Variants in PDE4B observed in about 807,000 individuals in gnomAD.
PDE4B encodes the protein 3',5'-cyclic-AMP phosphodiesterase 4B.
Under a neutral mutation model 82.2 loss-of-function variants are expected in PDE4B, and 20 were observed. That is an observed-to-expected ratio of 0.24 (90% CI 0.17 to 0.35). PDE4B has a LOEUF of 0.35. Ranked by LOEUF, PDE4B falls within the 10% of genes least tolerant of loss-of-function variation. The pLI is 1.00. For synonymous variants in PDE4B, 320 were observed against 318.9 expected (o/e 1.00, Z -0.04); for missense variants, 655 against 907.2 (o/e 0.72, Z 3.57).
At chr1:65,875,386 A>G (rs1646627386) in intron 1 of PDE4B, among the ~76,000 whole-genome samples, 2 of 146,844 alleles carry the variant, frequency 1.4e-5, no homozygotes, top group Non-Finnish European at 3.0e-5. Context: ...TGTGGAAGTC[A>G]GTGTGGCGAT....
At chr1:66,083,936 C>A (rs1029210238) in intron 3 of PDE4B, among the ~76,000 whole-genome samples, 2 of 152,116 alleles carry the variant, frequency 1.3e-5, no homozygotes, top group Non-Finnish European at 2.9e-5. Context: ...CATGAACACT[C>A]CATGTTATGT....
intron 3 of PDE4B, among the ~76,000 whole-genome samples, chr1:66,192,697 T>C (rs1311533642): frequency 6.6e-6 from 1 of 152,168 alleles, no homozygotes; most frequent in Non-Finnish European, 1.5e-5. Flanking sequence ...TTTATTGTCC[T>C]AAAAAAGAGT....
intron 1 of PDE4B, among the ~76,000 whole-genome samples, chr1:65,815,048 TATTTATTTATTTA>T (rs1645865534): frequency 6.8e-6 from 1 of 146,956 alleles, no homozygotes; most frequent in Non-Finnish European, 1.5e-5. Flanking sequence ...TTTATTTATT[TATTTATTTATTTA>T]TTTATTATTA....
chr1:66,031,643 A>T (rs1378871691), intron 3 of PDE4B, among the ~76,000 whole-genome samples: 2 of 152,138 alleles, frequency 1.3e-5, no homozygotes, highest in African/African-American at 4.8e-5. Flanking sequence ...GCAGAGGTAG[A>T]ATTGTGTTTT....
intron 3 of PDE4B, among the ~76,000 whole-genome samples, chr1:65,998,386 A>G (rs72916497): frequency 0.026 from 3,942 of 150,862 alleles, 169 homozygotes; most frequent in African/African-American, 0.091. Context: ...TATCATGAAC[A>G]AGAGTTGGAG....
At chr1:66,170,636 G>T (rs1363159247) in intron 3 of PDE4B, among the ~76,000 whole-genome samples, 1 of 152,178 alleles carries the variant, frequency 6.6e-6, no homozygotes, top group Non-Finnish European at 1.5e-5. Context: ...TGTGGCTAAT[G>T]AATAGTTGAT....
chr1:65,970,486 T>A (rs1650072921), intron 3 of PDE4B, among the ~76,000 whole-genome samples: 1 of 152,160 alleles, frequency 6.6e-6, no homozygotes, highest in Admixed American at 6.5e-5. Context: ...CAGCCAAAAG[T>A]GACTATGTGT....
chr1:66,344,076 T>A (rs543291427), intron 8 of PDE4B, among the ~76,000 whole-genome samples: 1 of 152,352 alleles, frequency 6.6e-6, no homozygotes, highest in East Asian at 1.9e-4. Flanking sequence ...TTTAGCAAGC[T>A]GAAAGGACAC....
chr1:66,280,717 C>T (rs1656231714), intron 7 of PDE4B, among the ~76,000 whole-genome samples: 1 of 152,156 alleles, frequency 6.6e-6, no homozygotes, highest in South Asian at 2.1e-4. Context: ...TTGCAGAGCA[C>T]ATTGGCACCA....
chr1:65,906,280 C>T (rs1054055746), intron 1 of PDE4B, among the ~76,000 whole-genome samples: 1 of 152,054 alleles, frequency 6.6e-6, no homozygotes. Flanking sequence ...GGAAAAAATT[C>T]TCTAATCCAT....
intron 3 of PDE4B, among the ~76,000 whole-genome samples, chr1:65,987,491 T>C (rs1651015835): frequency 6.6e-6 from 1 of 152,228 alleles, no homozygotes; most frequent in African/African-American, 2.4e-5. Context: ...GTATCCTCTG[T>C]TATAAAAAGC....
At position 66,146,896 on chromosome 1, in the gene PDE4B, AAAATGATGGGTAAACAC is replaced by A. The variant is rs1570341454; in HGVS notation, c.282-100560_282-100544del. On this transcript the variant is annotated intron_variant, in intron 3 of 16. Transcript: ENST00000341517. ...ACTTTCTTGTTCCTATTGCACACTA[AAAATGATGGGTAAACAC>A]AAAGGACAAAGGACAGCTTCTCTAA... Among the ~76,000 whole-genome samples the A allele has an allele frequency of 2.0e-5, 3 of 152,226 alleles. No homozygotes were observed. The East Asian group carries it at 5.8e-4, about 29-fold the overall frequency.
chr1:66,084,558 A>C (rs145111181), intron 3 of PDE4B, among the ~76,000 whole-genome samples: 1 of 152,158 alleles, frequency 6.6e-6, no homozygotes, highest in African/African-American at 2.4e-5. Flanking sequence ...TCAGGTGGGG[A>C]CCAGAGCAAA....
intron 3 of PDE4B, among the ~76,000 whole-genome samples, chr1:65,929,484 T>C (rs1328275288): frequency 1.3e-5 from 2 of 152,196 alleles, no homozygotes; most frequent in African/African-American, 4.8e-5. Flanking sequence ...GCACCTTCTG[T>C]TGCAGGTCAC....
At chr1:66,004,111 C>T (rs536368962) in intron 3 of PDE4B, among the ~76,000 whole-genome samples, 1 of 152,206 alleles carries the variant, frequency 6.6e-6, no homozygotes, top group East Asian at 1.9e-4. Flanking sequence ...ATTAGAAAAA[C>T]TCTACTTGTA....
intron 3 of PDE4B, among the ~76,000 whole-genome samples, chr1:66,234,431 G>A (rs575101789): frequency 6.6e-6 from 1 of 152,228 alleles, no homozygotes; most frequent in East Asian, 1.9e-4. Flanking sequence ...TGGGACTACA[G>A]GTGCATGCCA....
intron 3 of PDE4B, among the ~76,000 whole-genome samples, chr1:66,161,842 G>A (rs926813179): frequency 2.0e-5 from 3 of 152,088 alleles, no homozygotes; most frequent in Non-Finnish European, 1.5e-5. Context: ...AAGAGCAAGG[G>A]ATTTACAACC....
At chr1:66,079,285 T>C (rs1570168800) in intron 3 of PDE4B, among the ~76,000 whole-genome samples, 1 of 152,032 alleles carries the variant, frequency 6.6e-6, no homozygotes, top group Non-Finnish European at 1.5e-5. Context: ...GTATTTCTAG[T>C]TAAAATATAA....
chr1:66,205,975 G>A (rs748684436), intron 3 of PDE4B, among the ~76,000 whole-genome samples: 6 of 152,152 alleles, frequency 3.9e-5, no homozygotes, highest in Non-Finnish European at 8.8e-5. Flanking sequence ...AGTGACTATA[G>A]GGACAAAAAG....
Sources: gnomAD v4.1 joint callset for allele counts (sites outside exome capture counted in the v4.1 genomes callset) on GRCh38, gnomAD v4.1.1 for gene constraint, MANE v1.5 for transcripts, NCBI Gene and HGNC (gene_info 2026-07-23, HGNC 2026-07-21) for gene names.